The following IFT56 variants were observed in gnomAD, a reference collection of about 807,000 sequenced individuals.
IFT56 encodes intraflagellar transport 56.
At chr7:139,156,484 G>A in the IFT56 span, among the ~76,000 whole-genome samples, 1 of 151,312 alleles carries the variant, frequency 6.6e-6, no homozygotes, top group Admixed American at 6.6e-5. Context: ...TCTAAGAAAT[G>A]TTTTAACTGC....
the IFT56 span, among the ~76,000 whole-genome samples, chr7:139,159,416 TG>T: frequency 2.6e-5 from 4 of 152,176 alleles, no homozygotes; most frequent in African/African-American, 7.2e-5. Flanking sequence ...ATTATATAAC[TG>T]TTTTTTTATT....
chr7:139,170,031 T>C, the IFT56 span, among the ~76,000 whole-genome samples: 1 of 152,032 alleles, frequency 6.6e-6, no homozygotes, highest in Admixed American at 6.6e-5. Flanking sequence ...GTATACACCA[T>C]ACAACCAATA....
chr7:139,146,542 C>T, the IFT56 span, among the ~76,000 whole-genome samples: 318 of 152,002 alleles, frequency 2.1e-3, no homozygotes, highest in Non-Finnish European at 3.7e-3. Context: ...CTGAGGTGGG[C>T]GGATCACGAC....
At chr7:139,189,375 A>T in the IFT56 span, 2 of 1,613,772 alleles carry the variant, frequency 1.2e-6, no homozygotes, top group Non-Finnish European at 1.7e-6. Flanking sequence ...ACACCCAAGT[A>T]GAATACATGA....
At chr7:139,178,380 G>A in the IFT56 span, 1 of 1,457,262 alleles carries the variant, frequency 6.9e-7, no homozygotes, top group Non-Finnish European at 9.5e-7. Context: ...TACCCTTAGA[G>A]ATGGCCCATT....
chr7:139,135,258 A>G, the IFT56 span, among the ~76,000 whole-genome samples: 1 of 140,974 alleles, frequency 7.1e-6, no homozygotes, highest in Non-Finnish European at 1.5e-5. Flanking sequence ...CAGCCTGGCT[A>G]CAAGGCGAGA....
At chr7:139,145,455 C>T in the IFT56 span, among the ~76,000 whole-genome samples, 2 of 151,928 alleles carry the variant, frequency 1.3e-5, no homozygotes, top group African/African-American at 2.4e-5. Flanking sequence ...CAGGATATCA[C>T]TCCCCGTCAC....
chr7:139,153,201 C>G, the IFT56 span, among the ~76,000 whole-genome samples: 1 of 151,426 alleles, frequency 6.6e-6, no homozygotes, highest in Non-Finnish European at 1.5e-5. Context: ...ACCTGTAATC[C>G]CAACATTTTA....
chr7:139,176,569 T>C, the IFT56 span, among the ~76,000 whole-genome samples: 1 of 152,186 alleles, frequency 6.6e-6, no homozygotes, highest in South Asian at 2.1e-4. Flanking sequence ...CAGTGAAAGA[T>C]TTGAGAAAGG....
chr7:139,166,801 T>G, the IFT56 span: 16 of 1,246,704 alleles, frequency 1.3e-5, no homozygotes, highest in Non-Finnish European at 1.9e-5. Context: ...GAGGGTTTTC[T>G]GGAATACAGA....
At chr7:139,160,904 T>G in the IFT56 span, 4 of 1,471,892 alleles carry the variant, frequency 2.7e-6, no homozygotes, top group Non-Finnish European at 3.8e-6. Flanking sequence ...GTATAAGAAC[T>G]ATACACTTGT....
the IFT56 span, chr7:139,165,113 A>C: frequency 6.3e-7 from 1 of 1,594,194 alleles, no homozygotes. Context: ...CCATAATAGC[A>C]TGATTTCTGT....
At chr7:139,171,172 A>T in the IFT56 span, among the ~76,000 whole-genome samples, 1 of 152,206 alleles carries the variant, frequency 6.6e-6, no homozygotes. Context: ...ACTATAAAAC[A>T]TTGATGCAAG....
At chr7:139,151,494 G>A in the IFT56 span, among the ~76,000 whole-genome samples, 1 of 152,026 alleles carries the variant, frequency 6.6e-6, no homozygotes, top group Non-Finnish European at 1.5e-5. Context: ...CTTGGAATCA[G>A]ATAGACCCAA....
chr7:139,162,926 TCCA>T, the IFT56 span, among the ~76,000 whole-genome samples: 1 of 149,976 alleles, frequency 6.7e-6, no homozygotes, highest in African/African-American at 2.5e-5. Flanking sequence ...ACCACTGCAC[TCCA>T]GCCTGGGCGA....
the IFT56 span, among the ~76,000 whole-genome samples, chr7:139,141,036 G>A: frequency 1.3e-5 from 2 of 150,450 alleles, no homozygotes; most frequent in South Asian, 2.1e-4. Flanking sequence ...CGAGGTGGGC[G>A]GATCACGAGG....
At chr7:139,168,310 A>G in the IFT56 span, 2 of 1,468,996 alleles carry the variant, frequency 1.4e-6, no homozygotes, top group African/African-American at 1.4e-5. Flanking sequence ...ATAGCTCCAC[A>G]TTCCTCTTAA....
At chr7:139,152,841 A>G in the IFT56 span, among the ~76,000 whole-genome samples, 2 of 152,310 alleles carry the variant, frequency 1.3e-5, no homozygotes, top group South Asian at 2.1e-4. Context: ...ATCTTAGGAC[A>G]TTTCATTATC....
At chr7:139,142,158 G>C in the IFT56 span, 1 of 1,271,110 alleles carries the variant, frequency 7.9e-7, no homozygotes, top group Non-Finnish European at 1.1e-6. Flanking sequence ...GATCAGATGA[G>C]TAAGGTTTGG....
Sources: allele counts gnomAD v4.1 joint callset (sites outside exome capture counted in the v4.1 genomes callset), GRCh38; gene constraint gnomAD v4.1.1; transcripts MANE v1.5; gene names NCBI Gene and HGNC (gene_info 2026-07-23, HGNC 2026-07-21).